The following MYO3A variants were observed in gnomAD, a reference collection of about 807,000 sequenced individuals.
The protein encoded by MYO3A is myosin-IIIa.
In MYO3A, 180 loss-of-function variants were observed where a neutral mutation model predicts 192.7. The ratio of observed to expected loss-of-function variants is 0.93; its 90% CI spans 0.83 to 1.06. The LOEUF is 1.06. MYO3A is among the 50% of genes least tolerant of loss of function. The pLI, the probability that MYO3A is intolerant of heterozygous loss-of-function variation, is 0.00. For synonymous variants in MYO3A, 628 were observed against 645.3 expected (o/e 0.97, Z 0.41); for missense variants, 1,896 against 1,905.0 (o/e 1.00, Z 0.09).
chr10:26,071,520 G>A (rs1328607991), intron 14 of MYO3A, among the ~76,000 whole-genome samples: 1 of 152,022 alleles, frequency 6.6e-6, no homozygotes, highest in Non-Finnish European at 1.5e-5. Context: ...ATTTATACAT[G>A]GAAAAATTTG....
chr10:25,982,303 C>T (rs577552986), intron 4 of MYO3A, among the ~76,000 whole-genome samples: 2 of 152,256 alleles, frequency 1.3e-5, no homozygotes, highest in Admixed American at 1.3e-4. Context: ...TGGTCTTTCT[C>T]TACCCACTCT....
At chr10:26,137,293 G>A (rs1367756430) in intron 20 of MYO3A, among the ~76,000 whole-genome samples, 3 of 152,190 alleles carry the variant, frequency 2.0e-5, no homozygotes, top group African/African-American at 7.2e-5. Context: ...ACTGTTGCGG[G>A]AAGTCAGGGA....
rs558497465 is a variant in MYO3A, at chr10:26,195,114, G to GCGAT, written c.4545+1805_4545+1808dup. Among the ~76,000 whole-genome samples the GCGAT allele has an allele frequency of 4.6e-5, 7 of 152,202 alleles. 1 individual carries two copies. In the South Asian group the frequency reaches 1.5e-3, roughly 32 times the overall value. On this transcript the variant is annotated intron_variant, in intron 32 of 34. Coordinates refer to ENST00000642920, the MANE Select transcript of MYO3A (RefSeq NM_017433.5). ...CCCCACCCCCTGCCCCAAGCTCTAG[G>GCGAT]CGATCACCAATCTAGTTTTCTGTTT...
intron 11 of MYO3A, among the ~76,000 whole-genome samples, chr10:26,068,368 C>G (rs1000065454): frequency 1.3e-5 from 2 of 152,118 alleles, no homozygotes; most frequent in African/African-American, 4.8e-5. Context: ...CTAGGACATT[C>G]CATAAAGCCA....
chr10:26,030,637 CTGAT>C (rs1205509435), intron 10 of MYO3A, among the ~76,000 whole-genome samples: 1 of 152,196 alleles, frequency 6.6e-6, no homozygotes, highest in African/African-American at 2.4e-5. Flanking sequence ...ATCAAAAAAT[CTGAT>C]TGTATTAAAT....
At chr10:26,070,776 A>G (rs1006254330) in intron 14 of MYO3A, among the ~76,000 whole-genome samples, 1 of 152,098 alleles carries the variant, frequency 6.6e-6, no homozygotes, top group African/African-American at 2.4e-5. Flanking sequence ...AGTAATGGTC[A>G]ATTGCAAATT....
chr10:26,070,022 G>A (rs1835100880), intron 12 of MYO3A, 89 bp from the exon 13 acceptor site: 1 of 903,612 alleles, frequency 1.1e-6, no homozygotes, highest in Non-Finnish European at 1.7e-6. Flanking sequence ...TTTATACTTT[G>A]CTTTAAAAAT....
chr10:26,208,987 A>C (rs1844100414), intron 34 of MYO3A, among the ~76,000 whole-genome samples: 1 of 152,198 alleles, frequency 6.6e-6, no homozygotes, highest in Non-Finnish European at 1.5e-5. Flanking sequence ...GTTACTTTGC[A>C]ATATTACATT....
intron 2 of MYO3A, among the ~76,000 whole-genome samples, chr10:25,942,602 C>T (rs753755547): frequency 1.1e-4 from 17 of 152,186 alleles, no homozygotes; most frequent in Non-Finnish European, 1.8e-4. Context: ...ACACTGAAAT[C>T]GCTTTCTGGG....
intron 4 of MYO3A, among the ~76,000 whole-genome samples, chr10:25,966,451 T>C (rs182639275): frequency 6.6e-6 from 1 of 152,288 alleles, no homozygotes; most frequent in Admixed American, 6.5e-5. Flanking sequence ...TTTGTGTTTA[T>C]TAGTGCTATG....
chr10:26,067,038 T>C lies in MYO3A; in HGVS notation c.1017T>C (p.Asp339=). Residue 339 remains aspartate, a synonymous_variant, in exon 11 of 35, where the codon GAT becomes GAC. Transcript: ENST00000642920. ...GACCTCTAATATCCAATCTGAAGGA[T>C]GTAGATGATTTAGCAACCCTAGAAA... is the stretch of plus-strand genomic sequence containing the variant. ...FNRPLISNLK[D]VDDLATLEIL... 2.5e-6 allele frequency: 4 copies of C among 1,612,908 alleles called. No homozygotes were observed. The highest frequency in any genetic ancestry group is 3.4e-6 in the Non-Finnish European group (4 of 1,178,944).
intron 4 of MYO3A, among the ~76,000 whole-genome samples, chr10:25,963,162 A>G (rs375585735): frequency 2.0e-5 from 3 of 152,046 alleles, no homozygotes; most frequent in African/African-American, 4.8e-5. Flanking sequence ...AATTATAGCA[A>G]TTTTTCTCTT....
At chr10:26,202,814 T>C in intron 33 of MYO3A, 150 bp from the exon 34 acceptor site, 8 of 838,238 alleles carry the variant, frequency 9.5e-6, no homozygotes, top group African/African-American at 1.7e-5. Flanking sequence ...ACACTGTTTT[T>C]CCCACATTTC....
chr10:25,997,435 A>G (rs1352223188), intron 6 of MYO3A, among the ~76,000 whole-genome samples, 177 bp downstream of exon 6: 3 of 152,222 alleles, frequency 2.0e-5, no homozygotes, highest in African/African-American at 7.2e-5. Context: ...CCCAGAAGAA[A>G]GGGTAACTTC....
intron 26 of MYO3A, among the ~76,000 whole-genome samples, chr10:26,160,061 C>T (rs1230541871): frequency 1.3e-5 from 2 of 151,572 alleles, no homozygotes; most frequent in African/African-American, 4.9e-5. Flanking sequence ...TATTATCATG[C>T]ACTTCATGTT....
chr10:26,106,846 T>A (rs967121430), intron 17 of MYO3A, among the ~76,000 whole-genome samples: 5 of 152,180 alleles, frequency 3.3e-5, no homozygotes, highest in Non-Finnish European at 5.9e-5. Flanking sequence ...ATCTTTATCA[T>A]CTTTTTGATA....
intron 6 of MYO3A, among the ~76,000 whole-genome samples, chr10:26,012,870 A>G (rs938910232): frequency 2.6e-5 from 4 of 152,220 alleles, no homozygotes; most frequent in African/African-American, 7.2e-5. Context: ...CTGGACTTCA[A>G]ATTATACTAC....
intron 10 of MYO3A, among the ~76,000 whole-genome samples, chr10:26,058,094 A>G (rs1346677632): frequency 6.6e-6 from 1 of 152,240 alleles, no homozygotes; most frequent in Non-Finnish European, 1.5e-5. Context: ...GTAGCATTGT[A>G]CAGAATAGTT....
chr10:26,113,606 A>T (rs1190725687), intron 17 of MYO3A, among the ~76,000 whole-genome samples: 1 of 152,232 alleles, frequency 6.6e-6, no homozygotes, highest in Non-Finnish European at 1.5e-5. Context: ...ATCAAAAAAC[A>T]TAAAACAAGT....
Sources: allele counts gnomAD v4.1 joint callset (sites outside exome capture counted in the v4.1 genomes callset), GRCh38; gene constraint gnomAD v4.1.1; transcripts MANE v1.5; gene names NCBI Gene and HGNC (gene_info 2026-07-23, HGNC 2026-07-21).